Variants in LMLN observed in about 807,000 individuals in gnomAD.
LMLN encodes the protein leishmanolysin like peptidase, also known as leishmanolysin-like peptidase.
A neutral mutation model predicts 92.3 loss-of-function variants in LMLN; 70 were observed. The ratio of observed to expected loss-of-function variants is 0.76; its 90% CI spans 0.63 to 0.92. The LOEUF (loss-of-function observed/expected upper bound fraction) is 0.92. Ranked by LOEUF, LMLN falls within the 40% of genes least tolerant of loss-of-function variation. The probability of loss-of-function intolerance (pLI) is 0.00; values close to 1 mark genes in which losing one functional copy is unlikely to be tolerated. For synonymous variants in LMLN, 308 were observed against 296.2 expected, an observed-to-expected ratio of 1.04 and a Z score of -0.41; for missense variants, 691 against 814.6, an observed-to-expected ratio of 0.85 and a Z score of 1.85.
chr3:197,983,630 T>A (rs944764181), intron 6 of LMLN, among the ~76,000 whole-genome samples: 2 of 152,208 alleles, frequency 1.3e-5, no homozygotes, highest in African/African-American at 2.4e-5. Context: ...AAGTTAAATA[T>A]GGATTTTGCA....
chr3:198,022,314 C>G (rs768030678), intron 13 of LMLN, among the ~76,000 whole-genome samples: 1 of 152,166 alleles, frequency 6.6e-6, no homozygotes, highest in South Asian at 2.1e-4. Flanking sequence ...ATAATAGTTA[C>G]AGCTCATACT....
intron 14 of LMLN, among the ~76,000 whole-genome samples, chr3:198,032,729 A>G (rs1723111002): frequency 6.6e-6 from 1 of 152,176 alleles, no homozygotes; most frequent in South Asian, 2.1e-4. Context: ...CAAGCTATTC[A>G]TGAGGGATCC....
At chr3:197,976,381 G>T (rs1721381527) in intron 4 of LMLN, 2 of 493,480 alleles carry the variant, frequency 4.1e-6, no homozygotes, top group Admixed American at 3.7e-5. Flanking sequence ...CTTTCATGTG[G>T]ATACAGTGTT....
rs115133503 is a variant in LMLN, at chr3:197,963,396, G to A, written c.219+2956G>A. Among the ~76,000 whole-genome samples the A allele has an allele frequency of 4.5e-3, 689 of 152,200 alleles. 3 individuals carry two copies. The highest frequency in any genetic ancestry group is 0.015 in the African/African-American group (632 of 41,546). ...ATTTTTTATTTTTTGTTGAGACAGA[G>A]TCCAGGTGGGTTTTGAACTCCTGGC... On this transcript the variant is annotated intron_variant, in intron 1 of 15. Transcript: ENST00000330198.
intron 1 of LMLN, among the ~76,000 whole-genome samples, chr3:197,965,576 G>A (rs1375733673): frequency 1.3e-5 from 2 of 152,032 alleles, no homozygotes; most frequent in African/African-American, 2.4e-5. Context: ...TTCTATACAT[G>A]TTAATAAGCT....
chr3:197,993,756 C>A (rs1357571295), intron 9 of LMLN, among the ~76,000 whole-genome samples: 1 of 151,946 alleles, frequency 6.6e-6, no homozygotes, highest in East Asian at 1.9e-4. Flanking sequence ...TATGGAACCA[C>A]AAACACACCA....
intron 6 of LMLN, among the ~76,000 whole-genome samples, chr3:197,983,311 C>T (rs935343414): frequency 2.0e-5 from 3 of 152,070 alleles, no homozygotes; most frequent in Non-Finnish European, 2.9e-5. Flanking sequence ...GACAGGGAGG[C>T]GCATGGTGGA....
At chr3:197,990,350 A>C (rs1252798853) in intron 8 of LMLN, among the ~76,000 whole-genome samples, 3 of 152,182 alleles carry the variant, frequency 2.0e-5, no homozygotes, top group African/African-American at 7.2e-5. Context: ...GGTGTGAGCC[A>C]CTGCACCCAA....
intron 9 of LMLN, among the ~76,000 whole-genome samples, chr3:197,991,414 A>ACT (rs1398505153): frequency 1.3e-5 from 2 of 152,076 alleles, no homozygotes; most frequent in Non-Finnish European, 2.9e-5. Flanking sequence ...CCAAGAGGTA[A>ACT]CTTTTGAGGA....
chr3:197,997,099 CCTTTT>C (rs1722047895), intron 10 of LMLN, among the ~76,000 whole-genome samples: 1 of 116,740 alleles, frequency 8.6e-6, no homozygotes, highest in African/African-American at 3.7e-5. Flanking sequence ...CTTTTCCTTT[CCTTTT>C]ACTTTTCTTT....
intron 1 of LMLN, 28 bp from the exon 2 acceptor site, chr3:197,974,349 C>A (rs766485001): frequency 1.7e-6 from 2 of 1,203,996 alleles, no homozygotes; most frequent in Non-Finnish European, 2.4e-6. Context: ...ATGTCTTAAA[C>A]AGTTTTCAAA....
chr3:198,019,111 A>G lies in LMLN; in HGVS notation c.1233-142A>G. ...GCAGGGCAGAGGGGACATTGCCTCCATCTCTTTCCAAGAATCCCATTTGTT... is the reference window on the plus strand; with the variant it reads ...GCAGGGCAGAGGGGACATTGCCTCCGTCTCTTTCCAAGAATCCCATTTGTT... On this transcript the variant is annotated intron_variant, in intron 11 of 15. Coordinates refer to ENST00000330198, the Ensembl canonical transcript of LMLN. This position sits in a 1 kb window ranked among gnomAD's most constrained non-coding sequence, Gnocchi z 5.5. The G allele has an allele frequency of 1.3e-6, 1 of 782,004 alleles. No individual in the cohort carries two copies. The highest frequency in any genetic ancestry group is 2.1e-5 in the South Asian group (1 of 48,140). 48.4% of individuals were successfully genotyped at this position (782,004 alleles called of 1,614,324 possible).
At chr3:197,984,565 C>T (rs1347126939) in intron 7 of LMLN, among the ~76,000 whole-genome samples, 1 of 151,850 alleles carries the variant, frequency 6.6e-6, no homozygotes, top group Non-Finnish European at 1.5e-5. Context: ...GTGATCCCAC[C>T]TTAGCCTCCC....
At chr3:197,970,841 C>T (rs184466312) in intron 1 of LMLN, among the ~76,000 whole-genome samples, 129 of 152,356 alleles carry the variant, frequency 8.5e-4, no homozygotes, top group African/African-American at 2.9e-3. Context: ...TATCTATTCA[C>T]GTATTTACCA....
At position 198,038,566 on chromosome 3, in the gene LMLN, G is replaced by A. The variant is rs1360903257; in HGVS notation, c.1868-1G>A. On this transcript the variant is annotated splice_acceptor_variant, in intron 15 of 15. Coordinates refer to ENST00000330198, the Ensembl canonical transcript of LMLN. LOFTEE classifies it high-confidence loss of function. ...AGTCAGTTTTTTGTTTTCAACTCTA[G>A]ATCTTTGTTCCTGTTCCTCGAGCCT... 6.2e-7 allele frequency: 1 copy of A among 1,611,310 alleles called. No individual in the cohort carries two copies. The highest frequency in any genetic ancestry group is 8.5e-7 in the Non-Finnish European group (1 of 1,177,498).
intron 1 of LMLN, among the ~76,000 whole-genome samples, chr3:197,971,904 T>C (rs1721234314): frequency 6.6e-6 from 1 of 151,514 alleles, no homozygotes; most frequent in African/African-American, 2.4e-5. Context: ...TAATTACCTA[T>C]CTGCTAGACT....
chr3:198,029,429 C>G (rs553068948), intron 14 of LMLN, among the ~76,000 whole-genome samples: 4 of 152,304 alleles, frequency 2.6e-5, no homozygotes, highest in African/African-American at 9.6e-5. Flanking sequence ...GTAATCCCAG[C>G]ACTTTGGTTG....
At chr3:197,976,619 C>T (rs1472693933) in exon 5 of LMLN, 2 of 1,595,994 alleles carry the variant, frequency 1.3e-6, no homozygotes, top group Admixed American at 1.7e-5. Context: ...CAAACCAATA[C>T]CTCCGGAAGG....
intron 13 of LMLN, among the ~76,000 whole-genome samples, chr3:198,024,276 T>C (rs6793149): frequency 0.29 from 43,227 of 148,376 alleles, 9,547 homozygotes; most frequent in African/African-American, 0.63. Context: ...AGTGCAGTGG[T>C]ACAATCTCGG....
Sources: gnomAD v4.1 joint callset for allele counts (sites outside exome capture counted in the v4.1 genomes callset) on GRCh38, gnomAD v4.1.1 for gene constraint, Gnocchi (gnomAD v3.1) non-coding constraint, MANE v1.5 for transcripts, NCBI Gene and HGNC (gene_info 2026-07-23, HGNC 2026-07-21) for gene names.